OR51B5: variants seen among roughly 807,000 people sequenced by gnomAD.
OR51B5 encodes the protein olfactory receptor family 51 subfamily B member 5.
For missense variants in OR51B5, 456 were observed against 374.6 expected, an observed-to-expected ratio of 1.22 and a Z score of -1.79; for synonymous variants, 186 against 144.8, an observed-to-expected ratio of 1.28 and a Z score of -2.04.
chr11:5,489,591 C>T, intron 1 of OR51B5: 1 of 1,614,006 alleles, frequency 6.2e-7, no homozygotes, highest in Non-Finnish European at 8.5e-7. Flanking sequence ...ATCCTATTCT[C>T]TATGGAGCTA....
Position 5,368,838 on chromosome 11 carries a change from G to T in OR51B5, n.85-21928C>A, listed in dbSNP as rs144524565. On this transcript the variant is annotated intron_variant and non_coding_transcript_variant, in intron 1 of 4. Coordinates refer to the OR51B5 transcript ENST00000415970. ...TTTCCCCCAGGGCAAAGTGTTCTTA[G>T]GAGCAAGATGTTGGAATTTACACCA... Among the ~76,000 whole-genome samples the T allele has an allele frequency of 1.3e-4, 20 of 152,244 alleles. No individual in the cohort carries two copies. In the East Asian group the frequency reaches 3.5e-3, roughly 26 times the overall value.
chr11:5,453,972 CTTA>C (rs1196083380), intron 1 of OR51B5: 3 of 1,614,052 alleles, frequency 1.9e-6, no homozygotes, highest in South Asian at 2.2e-5. Flanking sequence ...TCTTCCCTTT[CTTA>C]TTAAGAGGCT....
At position 5,477,917 on chromosome 11, in the gene OR51B5, C is replaced by A. The variant is rs1466000405; in HGVS notation, n.84+27652G>T. The stretch of plus-strand genomic sequence containing the variant: ...AGCAGTCTGGGATCAAACTGCAAGG[C>A]AGCAGGGAGGCTGGGGAGGGGCGCC... On this transcript the variant is annotated intron_variant and non_coding_transcript_variant, in intron 1 of 4. Transcript: ENST00000415970. Among the ~76,000 whole-genome samples, 537 of 151,900 alleles carry A rather than the reference C, an allele frequency of 3.5e-3. 2 individuals are homozygous for A. The highest frequency in any genetic ancestry group is 4.1e-3 in the Non-Finnish European group (277 of 67,812).
At chr11:5,408,354 TCCTCCCTTCCTC>T (rs998689700) in intron 1 of OR51B5, among the ~76,000 whole-genome samples, 8 of 54,106 alleles carry the variant, frequency 1.5e-4, no homozygotes, top group East Asian at 5.4e-4. Flanking sequence ...CTTCCTCCCT[TCCTCCCTTCCTC>T]CCTCCCTCCC....
chr11:5,492,953 GCTTTA>G (rs1422561377), intron 1 of OR51B5, among the ~76,000 whole-genome samples: 1 of 152,182 alleles, frequency 6.6e-6, no homozygotes, highest in African/African-American at 2.4e-5. Flanking sequence ...TTTGTTATTT[GCTTTA>G]AACAGCAACA....
chr11:5,481,619 C>T (rs1590021600), intron 1 of OR51B5, among the ~76,000 whole-genome samples: 1 of 147,544 alleles, frequency 6.8e-6, no homozygotes, highest in East Asian at 2.0e-4. Context: ...CCCACTGTCT[C>T]AGCCCAAAAT....
intron 1 of OR51B5, among the ~76,000 whole-genome samples, chr11:5,502,406 T>C (rs1380511694): frequency 6.6e-6 from 1 of 152,204 alleles, no homozygotes; most frequent in Non-Finnish European, 1.5e-5. Flanking sequence ...TCCTTTCTCC[T>C]TTGCATGAGA....
chr11:5,397,035 C>A (rs966766231), intron 1 of OR51B5, among the ~76,000 whole-genome samples: 2 of 152,166 alleles, frequency 1.3e-5, no homozygotes, highest in Non-Finnish European at 2.9e-5. Flanking sequence ...CTTCCTTACA[C>A]CTTATACAAA....
At chr11:5,460,013 T>G (rs1851024416) in intron 1 of OR51B5, among the ~76,000 whole-genome samples, 1 of 152,044 alleles carries the variant, frequency 6.6e-6, no homozygotes, top group African/African-American at 2.4e-5. Flanking sequence ...AATGAAAATA[T>G]CAAACATATA....
rs546223826 is a variant in OR51B5 at position 5,418,880 on chromosome 11, A to AAAAG, written n.85-71971_85-71970insCTTT. Among the ~76,000 whole-genome samples the AAAAG allele has an allele frequency of 0.039, 5,878 of 151,358 alleles. 530 individuals carry two copies. The East Asian group carries it at 0.4, about 10-fold the overall frequency. Reference sequence around the variant, plus strand: ...TACCCCAGAACTTGAAGTATTATAAAAAAAAAAAAAGCATCATCTGGTCTC... The same window carrying AAAAG: ...TACCCCAGAACTTGAAGTATTATAAAAAAGAAAAAAAAAAGCATCATCTGGTCTC... On this transcript the variant is annotated intron_variant and non_coding_transcript_variant, in intron 1 of 4. Transcript: ENST00000415970.
At chr11:5,403,335 G>C in intron 1 of OR51B5, 4 of 471,644 alleles carry the variant, frequency 8.5e-6, no homozygotes, top group Non-Finnish European at 1.3e-5. Flanking sequence ...TGGCTCACAC[G>C]TCTGTGCTGT....
rs11037336 is a variant in OR51B5, at chr11:5,412,786, G to A, written n.85-65876C>T. Among the ~76,000 whole-genome samples, 324 of 151,702 alleles carry A rather than the reference G, an allele frequency of 2.1e-3. 1 individual carries two copies. Among genetic ancestry groups the A allele is most frequent in the African/African-American group, 7.6e-3 (314 of 41,354 alleles). On this transcript the variant is annotated intron_variant and non_coding_transcript_variant, in intron 1 of 4. Transcript: ENST00000415970. ...GCTTGCTTAGGTAAACAAAGCAGCC[G>A]GGAAGCTCCAACTGGGTGGAGCCCA...
chr11:5,363,072 A>G (rs1469637423), intron 1 of OR51B5, among the ~76,000 whole-genome samples: 3 of 152,046 alleles, frequency 2.0e-5, no homozygotes, highest in Non-Finnish European at 4.4e-5. Context: ...AAATGTGCTA[A>G]GTAGATGTCT....
intron 1 of OR51B5, among the ~76,000 whole-genome samples, chr11:5,494,631 C>A (rs1049933369): frequency 3.3e-5 from 5 of 152,090 alleles, no homozygotes; most frequent in African/African-American, 1.2e-4. Context: ...TGAAACAAGC[C>A]TGGTTTAAAT....
intron 1 of OR51B5, among the ~76,000 whole-genome samples, chr11:5,362,059 G>A (rs1000906782): frequency 1.3e-5 from 2 of 152,182 alleles, no homozygotes; most frequent in Non-Finnish European, 2.9e-5. Flanking sequence ...TTAAATTGCT[G>A]CATATTCCCA....
chr11:5,391,086 A>C (rs988297947), intron 1 of OR51B5: 8 of 152,232 alleles, frequency 5.3e-5, no homozygotes, highest in African/African-American at 1.9e-4. Context: ...TAGGTGTTTT[A>C]GTTGTGTGAT....
chr11:5,479,576 A>G (rs1166259444), intron 1 of OR51B5, among the ~76,000 whole-genome samples: 2 of 151,748 alleles, frequency 1.3e-5, no homozygotes, highest in African/African-American at 4.8e-5. Context: ...CAAATTGGAT[A>G]AAGAGTCAAG....
At chr11:5,464,750 T>C (rs184711791) in intron 1 of OR51B5, among the ~76,000 whole-genome samples, 49 of 152,298 alleles carry the variant, frequency 3.2e-4, no homozygotes, top group Admixed American at 1.6e-3. Context: ...TAAACATACG[T>C]GTGCATGTGT....
At chr11:5,397,224 A>C (rs1478323451) in intron 1 of OR51B5, among the ~76,000 whole-genome samples, 1 of 152,214 alleles carries the variant, frequency 6.6e-6, no homozygotes, top group Non-Finnish European at 1.5e-5. Flanking sequence ...TAAACTAAAG[A>C]TCTTCTGCAC....
Sources: allele counts gnomAD v4.1 joint callset (sites outside exome capture counted in the v4.1 genomes callset), GRCh38; gene constraint gnomAD v4.1.1; transcripts MANE v1.5; gene names NCBI Gene and HGNC (gene_info 2026-07-23, HGNC 2026-07-21).